Variants in SYTL5 observed in about 807,000 individuals in gnomAD.
SYTL5 encodes the protein synaptotagmin-like protein 5.
Under a neutral mutation model 55.9 loss-of-function variants are expected in SYTL5, and 34 were observed. That is an observed-to-expected ratio of 0.61 (90% CI 0.46 to 0.81). SYTL5 has a LOEUF of 0.81. SYTL5 is among the 30% of genes least tolerant of loss of function. The pLI, the probability that SYTL5 is intolerant of heterozygous loss-of-function variation, is 0.00. For synonymous variants in SYTL5, 221 were observed against 188.7 expected (o/e 1.17, Z -1.40); for missense variants, 637 against 546.7 (o/e 1.17, Z -1.65).
intron 2 of SYTL5, among the ~76,000 whole-genome samples, chrX:38,053,029 G>A (rs959719872): frequency 1.8e-5 from 2 of 112,345 alleles, no homozygotes; most frequent in East Asian, 2.8e-4. Context: ...TGAGATTTGC[G>A]AATCAGTATT....
the SYTL5 span, among the ~76,000 whole-genome samples, chrX:37,950,083 T>C: frequency 8.9e-6 from 1 of 112,042 alleles, no homozygotes; most frequent in African/African-American, 3.2e-5. Context: ...AATCAATACC[T>C]ATTTAAATCT....
At chrX:38,063,145 C>T (rs1414556166) in intron 3 of SYTL5, among the ~76,000 whole-genome samples, 1 of 110,453 alleles carries the variant, frequency 9.1e-6, no homozygotes, top group African/African-American at 3.3e-5. Context: ...ATAGGTGGGA[C>T]GAGCATCTGG....
Position 38,110,399 on chromosome X carries a change from A to T in SYTL5, c.1513A>T (p.Ser505Cys). 8.3e-7 allele frequency: 1 copy of T among 1,209,248 alleles called. No homozygotes were observed. The highest frequency in any genetic ancestry group is 1.1e-6 in the Non-Finnish European group (1 of 893,735). ...VWHYDRFGRNSFLGEVEIPFD... is the reference protein window; with the variant it reads ...VWHYDRFGRNCFLGEVEIPFD... Reference sequence around the variant, plus strand: ...GCACTATGATCGATTTGGACGTAATAGCTTCCTCGGGGAAGTAGAGATTCC... The same window carrying T: ...GCACTATGATCGATTTGGACGTAATTGCTTCCTCGGGGAAGTAGAGATTCC... The change falls in exon 13 of 17, where the codon AGC (serine) becomes TGC (cysteine). Residue 505 changes from serine to cysteine, a missense_variant. Physicochemically the swap from Ser to Cys is moderately radical, Grantham distance 112 (BLOSUM62 -1). Transcript: ENST00000297875.
chrX:37,998,299 C>A, the SYTL5 span, among the ~76,000 whole-genome samples: 2 of 112,287 alleles, frequency 1.8e-5, no homozygotes, highest in Admixed American at 9.3e-5. Context: ...ATGTTGCAGG[C>A]AAAGAGAAAG....
the SYTL5 span, among the ~76,000 whole-genome samples, chrX:37,950,877 T>C: frequency 9.0e-6 from 1 of 111,192 alleles, no homozygotes; most frequent in African/African-American, 3.3e-5. Flanking sequence ...TTTTCAATTG[T>C]TAATCAGTGC....
At chrX:38,043,876 A>G (rs949326556) in intron 2 of SYTL5, among the ~76,000 whole-genome samples, 1 of 108,210 alleles carries the variant, frequency 9.2e-6, no homozygotes, top group African/African-American at 3.4e-5. Context: ...AGATTTTTCC[A>G]TATAACATGA....
intron 1 of SYTL5, among the ~76,000 whole-genome samples, chrX:38,015,005 C>G (rs1054210693): frequency 2.0e-4 from 22 of 111,884 alleles, no homozygotes; most frequent in African/African-American, 6.8e-4. Context: ...CTTTTCCCTT[C>G]GGCTTAGTGA....
rs1411375959 is a variant in SYTL5, at chrX:38,125,511, G to A, written c.2050+5G>A. The A allele has an allele frequency of 8.3e-7, 1 of 1,201,622 alleles. No homozygotes were observed. The highest frequency in any genetic ancestry group is 1.8e-5 in the African/African-American group (1 of 57,088). On this transcript the variant is annotated splice_donor_5th_base_variant and intron_variant, in intron 16 of 16. Transcript: ENST00000297875. Reference sequence around the variant, plus strand: ...TTCGTTTGAATTCTGGAAGTGGTGAGGGATTTGGGGACCCACAGGGATGGT... The same window carrying A: ...TTCGTTTGAATTCTGGAAGTGGTGAAGGATTTGGGGACCCACAGGGATGGT...
chrX:37,972,561 G>A, the SYTL5 span, among the ~76,000 whole-genome samples: 1 of 111,338 alleles, frequency 9.0e-6, no homozygotes, highest in African/African-American at 3.3e-5. Flanking sequence ...TTGGGAGCCA[G>A]ATTATTGTTG....
the SYTL5 span, among the ~76,000 whole-genome samples, chrX:37,937,232 G>A: frequency 9.0e-6 from 1 of 110,568 alleles, no homozygotes; most frequent in Non-Finnish European, 1.9e-5. Flanking sequence ...AGTTGTAAAG[G>A]TAAGCTATCA....
chrX:37,973,456 A>G, the SYTL5 span, among the ~76,000 whole-genome samples: 1 of 111,022 alleles, frequency 9.0e-6, no homozygotes, highest in Non-Finnish European at 1.9e-5. Context: ...ATAATCCCAA[A>G]CTTACAATGA....
chrX:38,082,718 C>T (rs1321676852), intron 6 of SYTL5, among the ~76,000 whole-genome samples: 1 of 112,356 alleles, frequency 8.9e-6, no homozygotes, highest in African/African-American at 3.2e-5. Flanking sequence ...GAGGTGATCC[C>T]TAAGCAGCTT....
At chrX:37,929,943 A>T in the SYTL5 span, among the ~76,000 whole-genome samples, 5 of 112,387 alleles carry the variant, frequency 4.4e-5, no homozygotes, top group South Asian at 1.8e-3. Context: ...CTGAAAATTA[A>T]TTGGAATTCG....
At chrX:38,096,885 A>T (rs776521165) in intron 9 of SYTL5, among the ~76,000 whole-genome samples, 1 of 111,421 alleles carries the variant, frequency 9.0e-6, no homozygotes, top group African/African-American at 3.2e-5. Flanking sequence ...AAAACTGGGA[A>T]AATACTTTAA....
At chrX:37,910,967 CTTT>C in the SYTL5 span, among the ~76,000 whole-genome samples, 1 of 82,744 alleles carries the variant, frequency 1.2e-5, no homozygotes. Flanking sequence ...GATAGCATTA[CTTT>C]TTTTTTTTTT....
the SYTL5 span, among the ~76,000 whole-genome samples, chrX:37,910,969 T>TG: frequency 0.011 from 1,010 of 95,718 alleles, 17 homozygotes; most frequent in African/African-American, 0.039. Context: ...TAGCATTACT[T>TG]TTTTTTTTTT....
intron 1 of SYTL5, among the ~76,000 whole-genome samples, chrX:38,019,404 C>T (rs967738780): frequency 2.1e-4 from 23 of 111,689 alleles, no homozygotes; most frequent in African/African-American, 7.5e-4. Flanking sequence ...GACTTTTTCA[C>T]ATTTGCTGTC....
chrX:37,910,049 C>T, the SYTL5 span, among the ~76,000 whole-genome samples: 1 of 111,328 alleles, frequency 9.0e-6, no homozygotes, highest in African/African-American at 3.3e-5. Flanking sequence ...GAATGGAACC[C>T]AGGTATCAAT....
chrX:37,889,591 G>T, the SYTL5 span, among the ~76,000 whole-genome samples: 1 of 111,119 alleles, frequency 9.0e-6, no homozygotes, highest in African/African-American at 3.3e-5. Context: ...TTGAGTGGGG[G>T]GGATAATCAT....
Sources: gnomAD v4.1 joint callset for allele counts (sites outside exome capture counted in the v4.1 genomes callset) on GRCh38, gnomAD v4.1.1 for gene constraint, MANE v1.5 for transcripts, NCBI Gene and HGNC (gene_info 2026-07-23, HGNC 2026-07-21) for gene names.